BRMS1L: variants seen among roughly 807,000 people sequenced by gnomAD.
BRMS1L encodes BRMS1 like transcriptional repressor.
A neutral mutation model predicts 50.3 loss-of-function variants in BRMS1L; 23 were observed. The observed-to-expected ratio is 0.46, with a 90% CI of 0.33 to 0.65. The LOEUF is 0.65. Among genes scored for constraint, BRMS1L ranks in the 30% least tolerant of loss-of-function variants. BRMS1L has a pLI of 0.02. For missense variants in BRMS1L, 286 were observed against 386.1 expected (o/e 0.74, Z 2.17); for synonymous variants, 114 against 126.9 (o/e 0.90, Z 0.69).
At chr14:35,847,548 G>A (rs999480551) in intron 4 of BRMS1L, among the ~76,000 whole-genome samples, 3 of 152,090 alleles carry the variant, frequency 2.0e-5, no homozygotes, top group Non-Finnish European at 4.4e-5. Flanking sequence ...AAAGTCCAAC[G>A]TATCATTCTC....
At chr14:35,869,118 G>T (rs941236878) in intron 9 of BRMS1L, among the ~76,000 whole-genome samples, 1 of 152,058 alleles carries the variant, frequency 6.6e-6, no homozygotes, top group African/African-American at 2.4e-5. Flanking sequence ...AAATTTTTAG[G>T]ATTCCAGGAA....
intron 4 of BRMS1L, among the ~76,000 whole-genome samples, chr14:35,861,446 A>T (rs2078350179): frequency 6.6e-6 from 1 of 152,096 alleles, no homozygotes; most frequent in South Asian, 2.1e-4. Flanking sequence ...TTTTTCTCTG[A>T]TATTTTCCGA....
In BRMS1L at chr14:35,860,741, T is replaced by C. The variant is rs377189449; in HGVS notation, c.442-1849T>C. On this transcript the variant is annotated intron_variant, in intron 4 of 9. Coordinates refer to ENST00000216807, the MANE Select transcript of BRMS1L (RefSeq NM_032352.4). ...GGAGTTGGTTCTGAATACAGGTCAG[T>C]GTGAGGTCGGTACAATAATGGAAGC... Among the ~76,000 whole-genome samples the C allele has an allele frequency of 1.7e-3, 255 of 152,234 alleles. 12 individuals are homozygous for C. In the South Asian group the frequency reaches 0.051, roughly 31 times the overall value.
intron 3 of BRMS1L, among the ~76,000 whole-genome samples, chr14:35,834,015 A>C (rs1194077741): frequency 1.3e-5 from 2 of 152,172 alleles, no homozygotes; most frequent in African/African-American, 4.8e-5. Flanking sequence ...ATGATCAGGA[A>C]ATATTACTTG....
chr14:35,828,534 C>T (rs1166906833), intron 1 of BRMS1L, among the ~76,000 whole-genome samples: 1 of 142,080 alleles, frequency 7.0e-6, no homozygotes. Context: ...AGTGCAATGG[C>T]ATCATCTTGG....
chr14:35,833,078 A>G lies in BRMS1L; in HGVS notation c.334A>G (p.Asn112Asp), dbSNP rs1338749361. 1.2e-6 allele frequency: 2 copies of G among 1,613,198 alleles called. No individual in the cohort carries two copies. Among genetic ancestry groups the G allele is most frequent in the South Asian group, 2.2e-5 (2 of 90,990 alleles). Residue 112 changes from asparagine to aspartate, a missense_variant, in exon 3 of 10, where the codon AAT (asparagine) becomes GAT (aspartate). Transcript: ENST00000216807. ...GGAACCGCTGGCAACTTTACAGGAA[A>G]ATATGCAAATTCGTACAAAGGTAGC... The part of the protein sequence containing the change: ...YLEPLATLQE[N>D]MQIRTKVAGI...
intron 1 of BRMS1L, among the ~76,000 whole-genome samples, chr14:35,829,156 G>C (rs2077886250): frequency 6.6e-6 from 1 of 152,034 alleles, no homozygotes; most frequent in Non-Finnish European, 1.5e-5. Flanking sequence ...TGGCCAGGCT[G>C]GTCTTGAACT....
intron 4 of BRMS1L, among the ~76,000 whole-genome samples, chr14:35,841,129 C>T (rs578003162): frequency 1.6e-4 from 25 of 151,996 alleles, no homozygotes; most frequent in South Asian, 2.1e-4. Context: ...ATTCAGGAGC[C>T]GGTTGTACAG....
At chr14:35,846,881 TC>T (rs2078141949) in intron 4 of BRMS1L, among the ~76,000 whole-genome samples, 1 of 152,168 alleles carries the variant, frequency 6.6e-6, no homozygotes, top group African/African-American at 2.4e-5. Flanking sequence ...TTTTTTAAAC[TC>T]ATTTTTTGGT....
rs2078496268 is a variant in BRMS1L at position 35,871,896 on chromosome 14, A to G, written c.*1419A>G. 6.6e-6 allele frequency: 1 copy of G among 152,618 alleles called. No individual in the cohort carries two copies. Among genetic ancestry groups the G allele is most frequent in the South Asian group, 2.1e-4 (1 of 4,836 alleles). The allele number at this position is 152,618 out of a possible 1,614,324, so 9.5% of individuals were successfully genotyped here. ...ACAGTACTTATGTATACAATGTTTG[A>G]TAAGCATTTTTAATAAGATTTGTAT... On this transcript the variant is annotated 3_prime_UTR_variant, in exon 10 of 10. Coordinates refer to ENST00000216807, the MANE Select transcript of BRMS1L (RefSeq NM_032352.4).
intron 5 of BRMS1L, among the ~76,000 whole-genome samples, chr14:35,863,504 C>T (rs2078379802): frequency 6.6e-6 from 1 of 152,200 alleles, no homozygotes; most frequent in Non-Finnish European, 1.5e-5. Context: ...TGGACAGTTA[C>T]TTCACTTTTC....
At chr14:35,835,358 G>A (rs2077977665) in intron 4 of BRMS1L, among the ~76,000 whole-genome samples, 1 of 152,108 alleles carries the variant, frequency 6.6e-6, no homozygotes, top group South Asian at 2.1e-4. Context: ...AAAAAAATAG[G>A]TATATTTTTC....
intron 4 of BRMS1L, among the ~76,000 whole-genome samples, chr14:35,837,148 G>A (rs2078005623): frequency 6.6e-6 from 1 of 152,116 alleles, no homozygotes; most frequent in Admixed American, 6.6e-5. Context: ...CCAGGTACTT[G>A]GGAGTCTGAG....
At chr14:35,858,486 A>G (rs1030620714) in intron 4 of BRMS1L, 12 of 152,100 alleles carry the variant, frequency 7.9e-5, no homozygotes, top group Admixed American at 7.2e-4. Context: ...TAGTTTTTTG[A>G]GATTTCTTGT....
chr14:35,833,271 C>T (rs1190687570), intron 3 of BRMS1L, among the ~76,000 whole-genome samples, 166 bp downstream of exon 3: 3 of 151,732 alleles, frequency 2.0e-5, no homozygotes, highest in East Asian at 3.9e-4. Flanking sequence ...TTATTGAATA[C>T]CTCTTGCTTT....
intron 3 of BRMS1L, 130 bp downstream of exon 3, chr14:35,833,235 T>G (rs2077948125): frequency 1.1e-6 from 1 of 941,876 alleles, no homozygotes; most frequent in African/African-American, 1.7e-5. Flanking sequence ...AATATTTTAC[T>G]TTTAGTTAGC....
At chr14:35,862,088 T>C (rs1324377628) in intron 4 of BRMS1L, among the ~76,000 whole-genome samples, 1 of 143,362 alleles carries the variant, frequency 7.0e-6, no homozygotes, top group Non-Finnish European at 1.5e-5. Flanking sequence ...TAGACTATAA[T>C]TGAATTATTT....
chr14:35,849,706 A>G (rs991875809), intron 4 of BRMS1L, among the ~76,000 whole-genome samples: 3 of 152,108 alleles, frequency 2.0e-5, no homozygotes, highest in African/African-American at 7.2e-5. Flanking sequence ...GCATCTTTTC[A>G]TATACCTGTT....
At chr14:35,848,394 T>G (rs2078165161) in intron 4 of BRMS1L, among the ~76,000 whole-genome samples, 2 of 152,100 alleles carry the variant, frequency 1.3e-5, no homozygotes, top group South Asian at 4.1e-4. Flanking sequence ...GCTATGTGAG[T>G]CTTTCTGTGT....
Sources: allele counts gnomAD v4.1 joint callset (sites outside exome capture counted in the v4.1 genomes callset), GRCh38; gene constraint gnomAD v4.1.1; transcripts MANE v1.5; gene names NCBI Gene and HGNC (gene_info 2026-07-23, HGNC 2026-07-21).